IPO11: variants seen among roughly 807,000 people sequenced by gnomAD.
IPO11 encodes the protein importin-11.
Under a neutral mutation model 143.2 loss-of-function variants are expected in IPO11, and 66 were observed. That is an observed-to-expected ratio of 0.46 (90% CI 0.38 to 0.57). The LOEUF (loss-of-function observed/expected upper bound fraction) is 0.57, where lower values mean the gene tolerates loss of function less well. Among genes scored for constraint, IPO11 ranks in the 20% least tolerant of loss-of-function variants. The pLI is 0.00. For synonymous variants in IPO11, 385 were observed against 377.8 expected (o/e 1.02, Z -0.22); for missense variants, 1,026 against 1,141.0 (o/e 0.90, Z 1.45).
chr5:62,542,978 C>G (rs958551333), intron 24 of IPO11, among the ~76,000 whole-genome samples: 2 of 152,112 alleles, frequency 1.3e-5, no homozygotes, highest in Non-Finnish European at 2.9e-5. Flanking sequence ...GCTACATATT[C>G]TAAGCATGTA....
intron 27 of IPO11, chr5:62,579,525 A>G: frequency 6.4e-7 from 1 of 1,551,088 alleles, no homozygotes; most frequent in Non-Finnish European, 8.7e-7. Context: ...ACAAAGAAAT[A>G]CTTGGATGTT....
intron 26 of IPO11, among the ~76,000 whole-genome samples, chr5:62,556,726 T>A (rs1743587648): frequency 6.6e-6 from 1 of 152,346 alleles, no homozygotes; most frequent in East Asian, 1.9e-4. Flanking sequence ...AATTTTTTTT[T>A]AAATGAAGTT....
chr5:62,587,906 T>C (rs921839048), intron 27 of IPO11, among the ~76,000 whole-genome samples: 10 of 152,204 alleles, frequency 6.6e-5, no homozygotes, highest in Non-Finnish European at 1.5e-4. Flanking sequence ...GACCACAGTT[T>C]CAGCCACTTT....
rs142572887 is a variant in IPO11 at position 62,610,488 on chromosome 5, CTT to C, written c.2763+8641_2763+8642del. Among the ~76,000 whole-genome samples the C allele has an allele frequency of 6.0e-3, 912 of 152,208 alleles. 14 individuals carry two copies. The highest frequency in any genetic ancestry group is 0.021 in the African/African-American group (868 of 41,550). ...TTTGGTTGTCACTGGTTTGTTGTCACTTACGTGTTGGTTATCACATATCACAT... is the reference window on the plus strand; with the variant it reads ...TTTGGTTGTCACTGGTTTGTTGTCACACGTGTTGGTTATCACATATCACAT... On this transcript the variant is annotated intron_variant, in intron 29 of 29. Coordinates refer to ENST00000325324, the MANE Select transcript of IPO11 (RefSeq NM_016338.5).
At chr5:62,417,242 G>T (rs1743326087) in intron 1 of IPO11, among the ~76,000 whole-genome samples, 1 of 148,722 alleles carries the variant, frequency 6.7e-6, no homozygotes, top group Non-Finnish European at 1.5e-5. Context: ...ACTTGTGTGT[G>T]CCACCATGCC....
chr5:62,431,624 G>A lies in IPO11; in HGVS notation c.-6-5650G>A, dbSNP rs545134830. 5.3e-5 allele frequency among the ~76,000 whole-genome samples: 8 copies of A among 152,094 alleles called. No homozygotes were observed. The East Asian group carries it at 5.8e-4, about 11-fold the overall frequency. The stretch of plus-strand genomic sequence containing the variant: ...TCAAGATGATGCCAGCTGTACCACC[G>A]GCTTACTCAAGATAGCCATTGAAAC... On this transcript the variant is annotated intron_variant, in intron 1 of 29. Coordinates refer to ENST00000325324, the MANE Select transcript of IPO11 (RefSeq NM_016338.5).
rs28507363 is a variant in IPO11, at chr5:62,425,152, A to G, written c.-6-12122A>G. Among the ~76,000 whole-genome samples the G allele has an allele frequency of 9.1e-3, 1,388 of 152,262 alleles. 20 individuals carry two copies. The highest frequency in any genetic ancestry group is 0.031 in the African/African-American group (1,308 of 41,544). On this transcript the variant is annotated intron_variant, in intron 1 of 29. Transcript: ENST00000325324. ...TCAGCATTCTTTGCTCTATCCTCCT[A>G]AACCCTGTAATCCCTGTTACATTTC... is the stretch of plus-strand genomic sequence containing the variant.
intron 27 of IPO11, among the ~76,000 whole-genome samples, chr5:62,584,680 G>A (rs1189437393): frequency 6.7e-6 from 1 of 148,246 alleles, no homozygotes; most frequent in Non-Finnish European, 1.5e-5. Context: ...AAGGTAATAG[G>A]CATTTTTTTT....
intron 5 of IPO11, among the ~76,000 whole-genome samples, chr5:62,458,699 C>T (rs1435503978): frequency 6.6e-6 from 1 of 152,234 alleles, no homozygotes; most frequent in South Asian, 2.1e-4. Context: ...ATGTGTGTGT[C>T]TAGGCTTATA....
chr5:62,444,113 T>A (rs2112147033), intron 3 of IPO11, among the ~76,000 whole-genome samples: 1 of 151,650 alleles, frequency 6.6e-6, no homozygotes, highest in East Asian at 1.9e-4. Context: ...TTTTTTTTTT[T>A]GAGACGGAGT....
chr5:62,620,516 C>CT (rs1196953399), intron 29 of IPO11, among the ~76,000 whole-genome samples: 2 of 79,118 alleles, frequency 2.5e-5, no homozygotes, highest in African/African-American at 6.0e-5. Context: ...GAGACTCTGT[C>CT]TAAAAAAAAA....
chr5:62,556,487 A>G (rs570304918), intron 26 of IPO11, among the ~76,000 whole-genome samples: 12 of 152,168 alleles, frequency 7.9e-5, no homozygotes, highest in Non-Finnish European at 1.6e-4. Context: ...CCTTGTAATC[A>G]CAGTGCTTTG....
At chr5:62,470,153 C>CA (rs2112198250) in intron 6 of IPO11, 97 bp from the exon 7 acceptor site, 1 of 1,189,908 alleles carries the variant, frequency 8.4e-7, no homozygotes, top group Admixed American at 1.8e-5. Flanking sequence ...GATTAACCTC[C>CA]AAGCTTGATT....
intron 27 of IPO11, among the ~76,000 whole-genome samples, chr5:62,574,989 A>G (rs1234581394): frequency 6.6e-6 from 1 of 152,232 alleles, no homozygotes; most frequent in Non-Finnish European, 1.5e-5. Context: ...ATTTGCAGCT[A>G]AAAATTTCTT....
At chr5:62,473,293 G>A (rs1048863169) in intron 7 of IPO11, among the ~76,000 whole-genome samples, 9 of 152,030 alleles carry the variant, frequency 5.9e-5, no homozygotes, top group Admixed American at 5.2e-4. Context: ...ATTTTACTCT[G>A]CTTTTAGCTT....
intron 21 of IPO11, among the ~76,000 whole-genome samples, chr5:62,528,295 G>C (rs965400827): frequency 1.3e-5 from 2 of 152,202 alleles, no homozygotes; most frequent in Admixed American, 6.5e-5. Context: ...GTATAGAGAT[G>C]TGAATTTGGC....
intron 22 of IPO11, among the ~76,000 whole-genome samples, chr5:62,535,709 G>A (rs1336513380): frequency 6.6e-6 from 1 of 151,946 alleles, no homozygotes; most frequent in Non-Finnish European, 1.5e-5. Context: ...GAAAATAAAT[G>A]GAAAATTCAC....
At chr5:62,503,726 T>C (rs1471321017) in intron 16 of IPO11, among the ~76,000 whole-genome samples, 4 of 152,198 alleles carry the variant, frequency 2.6e-5, no homozygotes, top group Non-Finnish European at 4.4e-5. Flanking sequence ...ACATCTGCAC[T>C]GTAGGCTCTT....
chr5:62,613,153 G>A (rs80211263), intron 29 of IPO11, among the ~76,000 whole-genome samples: 1,888 of 151,992 alleles, frequency 0.012, 31 homozygotes, highest in African/African-American at 0.043. Flanking sequence ...TTTTTTGTTT[G>A]ATGAATGGCT....
Sources: gnomAD v4.1 joint callset for allele counts (sites outside exome capture counted in the v4.1 genomes callset) on GRCh38, gnomAD v4.1.1 for gene constraint, MANE v1.5 for transcripts, NCBI Gene and HGNC (gene_info 2026-07-23, HGNC 2026-07-21) for gene names.